Variants in RPS6KC1 observed in about 807,000 individuals in gnomAD.
RPS6KC1 encodes ribosomal protein S6 kinase C1, also known as inactive ribosomal protein S6 kinase delta-1.
A neutral mutation model predicts 103.8 loss-of-function variants in RPS6KC1; 54 were observed. The observed-to-expected ratio is 0.52, with a 90% CI of 0.42 to 0.65. The LOEUF (loss-of-function observed/expected upper bound fraction) is 0.65, where lower values mean the gene tolerates loss of function less well. Ranked by LOEUF, RPS6KC1 falls within the 30% of genes least tolerant of loss-of-function variation. The pLI is 0.00. For synonymous variants in RPS6KC1, 439 were observed against 438.7 expected, an observed-to-expected ratio of 1.00 and a Z score of -0.01; for missense variants, 1,151 against 1,253.8, an observed-to-expected ratio of 0.92 and a Z score of 1.24.
the RPS6KC1 span, among the ~76,000 whole-genome samples, chr1:213,520,159 G>A: frequency 2.6e-5 from 4 of 151,922 alleles, no homozygotes; most frequent in Non-Finnish European, 5.9e-5. Context: ...CCATTTTCAC[G>A]CTGCTGATAA....
chr1:213,545,295 C>T, the RPS6KC1 span, among the ~76,000 whole-genome samples: 1 of 151,716 alleles, frequency 6.6e-6, no homozygotes, highest in Non-Finnish European at 1.5e-5. Flanking sequence ...CGCTTGAACC[C>T]AGGAGGCGGA....
At chr1:213,519,501 C>T in the RPS6KC1 span, among the ~76,000 whole-genome samples, 17 of 152,186 alleles carry the variant, frequency 1.1e-4, no homozygotes, top group South Asian at 2.1e-3. Flanking sequence ...GTAATTTACT[C>T]CCTGGGGTTT....
intron 8 of RPS6KC1, among the ~76,000 whole-genome samples, chr1:213,226,116 C>A (rs1042367411): frequency 2.0e-5 from 3 of 151,420 alleles, no homozygotes; most frequent in African/African-American, 7.3e-5. Flanking sequence ...CCAGCTACTC[C>A]GGAGGCTGAG....
chr1:213,097,286 G>C (rs747269063), intron 3 of RPS6KC1, among the ~76,000 whole-genome samples: 1 of 152,150 alleles, frequency 6.6e-6, no homozygotes, highest in East Asian at 1.9e-4. Flanking sequence ...CCTGGTAGGC[G>C]GAGGCTGCAG....
intron 2 of RPS6KC1, among the ~76,000 whole-genome samples, chr1:213,074,583 G>A (rs2079142138): frequency 6.6e-6 from 1 of 152,094 alleles, no homozygotes; most frequent in South Asian, 2.1e-4. Flanking sequence ...AGAAAAGGAG[G>A]CAGTGGATGT....
intron 5 of RPS6KC1, among the ~76,000 whole-genome samples, chr1:213,126,098 C>A (rs1163302248): frequency 6.6e-6 from 1 of 151,990 alleles, no homozygotes; most frequent in Non-Finnish European, 1.5e-5. Context: ...GAACTTTTTT[C>A]AACCTTATCT....
the RPS6KC1 span, among the ~76,000 whole-genome samples, chr1:213,548,458 C>T: frequency 2.0e-5 from 3 of 152,042 alleles, no homozygotes; most frequent in Non-Finnish European, 1.5e-5. Flanking sequence ...GTCAAGAGAT[C>T]GAGACCATCC....
chr1:213,241,509 T>G lies in RPS6KC1; in HGVS notation c.2033T>G (p.Phe678Cys), dbSNP rs2094351965. 1 of 1,613,864 alleles carries G rather than the reference T, an allele frequency of 6.2e-7. No individual in the cohort carries two copies. Among genetic ancestry groups the G allele is most frequent in the Admixed American group, 1.7e-5 (1 of 59,942 alleles). The change falls in exon 11 of 15, where the codon TTT becomes TGT. Residue 678 changes from phenylalanine to cysteine, a missense_variant. Transcript: ENST00000366960. The stretch of plus-strand genomic sequence containing the variant: ...GTTATTTCATTTAAAGATGCTGCTT[T>G]TGATGATGTCAGTGGTACTGATGAA... ...VPVISFKDAA[F>C]DDVSGTDEGR...
At chr1:213,394,716 G>T in the RPS6KC1 span, among the ~76,000 whole-genome samples, 1 of 152,166 alleles carries the variant, frequency 6.6e-6, no homozygotes, top group African/African-American at 2.4e-5. Flanking sequence ...GGCTGTATTG[G>T]GGTGTTCGTG....
the RPS6KC1 span, among the ~76,000 whole-genome samples, chr1:213,810,816 A>G: frequency 6.6e-6 from 1 of 152,194 alleles, no homozygotes; most frequent in Non-Finnish European, 1.5e-5. Context: ...TATAAATGTT[A>G]CCATCCTCAT....
the RPS6KC1 span, among the ~76,000 whole-genome samples, chr1:213,493,861 G>T: frequency 6.6e-6 from 1 of 150,660 alleles, no homozygotes; most frequent in Admixed American, 6.5e-5. Flanking sequence ...GGAAATCATG[G>T]CATGCCATGT....
chr1:213,253,511 G>A (rs1414217928), intron 12 of RPS6KC1, among the ~76,000 whole-genome samples: 4 of 152,130 alleles, frequency 2.6e-5, no homozygotes, highest in African/African-American at 9.7e-5. Context: ...AAACGTTTTC[G>A]ATTAAAGCTT....
At chr1:213,502,395 G>C in the RPS6KC1 span, among the ~76,000 whole-genome samples, 1 of 151,954 alleles carries the variant, frequency 6.6e-6, no homozygotes, top group South Asian at 2.1e-4. Flanking sequence ...AACAAACCCA[G>C]TAAAAAATGA....
rs375739287 is a variant in RPS6KC1 at position 213,261,169 on chromosome 1, G to A, written c.2912-389G>A. Among the ~76,000 whole-genome samples the A allele has an allele frequency of 9.9e-5, 15 of 152,196 alleles. No individual in the cohort carries two copies. In the East Asian group the frequency reaches 2.1e-3, roughly 22 times the overall value. On this transcript the variant is annotated intron_variant, in intron 12 of 14. Transcript: ENST00000366960. ...AATATTGGTTTAGATAATTTTTAAAGTTCCTTTAGAACCTGAAGGGTCTTT... is the reference window on the plus strand; with the variant it reads ...AATATTGGTTTAGATAATTTTTAAAATTCCTTTAGAACCTGAAGGGTCTTT...
At chr1:213,530,382 C>T in the RPS6KC1 span, among the ~76,000 whole-genome samples, 1 of 152,224 alleles carries the variant, frequency 6.6e-6, no homozygotes, top group African/African-American at 2.4e-5. Context: ...TGAATTTTCT[C>T]TCAGGCTTTC....
At chr1:213,354,168 C>T in the RPS6KC1 span, among the ~76,000 whole-genome samples, 1 of 152,314 alleles carries the variant, frequency 6.6e-6, no homozygotes, top group Admixed American at 6.5e-5. Flanking sequence ...ATATGTAAAA[C>T]AGAAGCTAAT....
At chr1:213,061,345 C>T (rs1386717275) in intron 1 of RPS6KC1, among the ~76,000 whole-genome samples, 1 of 152,174 alleles carries the variant, frequency 6.6e-6, no homozygotes, top group Admixed American at 6.5e-5. Flanking sequence ...CTCCAGAGAA[C>T]TAAAAATTAT....
rs548084994 is a variant in RPS6KC1, at chr1:213,101,156, C to A, written c.263-3298C>A. 4.6e-5 allele frequency among the ~76,000 whole-genome samples: 7 copies of A among 152,144 alleles called. No individual in the cohort carries two copies. The East Asian group carries it at 1.4e-3, about 29-fold the overall frequency. On this transcript the variant is annotated intron_variant, in intron 3 of 14. Coordinates refer to ENST00000366960, the MANE Select transcript of RPS6KC1 (RefSeq NM_012424.6). ...ATGAGGTGGTGTCTCATTATGGTTT[C>A]GATTTGCATTTTTCTAATGATCAGT...
At chr1:213,580,078 C>A in the RPS6KC1 span, among the ~76,000 whole-genome samples, 22 of 151,980 alleles carry the variant, frequency 1.4e-4, no homozygotes, top group African/African-American at 4.6e-4. Context: ...CCATGGGTAG[C>A]GATTCCTCTG....
Sources: gnomAD v4.1 joint callset for allele counts (sites outside exome capture counted in the v4.1 genomes callset) on GRCh38, gnomAD v4.1.1 for gene constraint, MANE v1.5 for transcripts, NCBI Gene and HGNC (gene_info 2026-07-23, HGNC 2026-07-21) for gene names.